GATAD2A: variants seen among roughly 807,000 people sequenced by gnomAD.
GATAD2A encodes GATA zinc finger domain containing 2A.
A neutral mutation model predicts 68.5 loss-of-function variants in GATAD2A; 12 were observed. The observed-to-expected ratio is 0.18, with a 90% CI of 0.11 to 0.28. The LOEUF (loss-of-function observed/expected upper bound fraction) is 0.28. GATAD2A is among the 10% of genes least tolerant of loss of function. GATAD2A has a pLI of 1.00. For synonymous variants in GATAD2A, 410 were observed against 375.3 expected, an observed-to-expected ratio of 1.09 and a Z score of -1.07; for missense variants, 755 against 868.5, an observed-to-expected ratio of 0.87 and a Z score of 1.64.
chr19:19,426,655 C>A (rs2053129594), intron 1 of GATAD2A, among the ~76,000 whole-genome samples: 1 of 152,136 alleles, frequency 6.6e-6, no homozygotes, highest in African/African-American at 2.4e-5. Flanking sequence ...AGACTACAGG[C>A]ACACACCCCT....
At chr19:19,503,458 G>T (rs543070493) in intron 11 of GATAD2A, among the ~76,000 whole-genome samples, 58 of 152,362 alleles carry the variant, frequency 3.8e-4, no homozygotes, top group African/African-American at 1.4e-3. Flanking sequence ...AATCCAGGCA[G>T]CCTGGACAGT....
intron 1 of GATAD2A, among the ~76,000 whole-genome samples, chr19:19,425,064 T>TA (rs529552728): frequency 0.1 from 9,697 of 96,006 alleles, 360 homozygotes; most frequent in East Asian, 0.19. Context: ...TGTGCAACAA[T>TA]AAAAAAAAAA....
In GATAD2A at chr19:19,501,299, C is replaced by G; in HGVS notation, c.1386C>G (p.Ala462=). The G allele has an allele frequency of 6.2e-7, 1 of 1,613,236 alleles. No individual in the cohort carries two copies. Among genetic ancestry groups the G allele is most frequent in the African/African-American group, 1.3e-5 (1 of 75,058 alleles). ...AGCACACCAGCCGGCTGAAGGCCGC[C>G]TTTGTGAAGGCGCTGCAGCAGGAAC... ...KVEHTSRLKA[A]FVKALQQEQE... is the part of the protein sequence containing the mutation. The change falls in exon 9 of 12, where the codon GCC becomes GCG. Residue 462 remains alanine, a synonymous_variant. Transcript: ENST00000683918.
chr19:19,501,019 CTG>C, intron 8 of GATAD2A, 97 bp from the exon 9 acceptor site: 2 of 1,056,290 alleles, frequency 1.9e-6, no homozygotes, highest in South Asian at 1.5e-5. Flanking sequence ...AACGGACAGA[CTG>C]TGGCGACTGA....
intron 7 of GATAD2A, among the ~76,000 whole-genome samples, chr19:19,497,763 T>TA (rs1360329469): frequency 1.3e-5 from 2 of 152,142 alleles, no homozygotes; most frequent in African/African-American, 4.8e-5. Context: ...CTAAAAGCAA[T>TA]AACATTGGCA....
chr19:19,502,176 C>A, intron 10 of GATAD2A, 133 bp downstream of exon 10: 1 of 875,028 alleles, frequency 1.1e-6, no homozygotes, highest in South Asian at 1.6e-5. Flanking sequence ...CTCCCCCACC[C>A]CTCTGTGTAA....
intron 2 of GATAD2A, among the ~76,000 whole-genome samples, chr19:19,476,966 G>A (rs146877425): frequency 0.016 from 2,477 of 152,254 alleles, 80 homozygotes; most frequent in South Asian, 0.085. Context: ...AAAGAACGTG[G>A]GTGTCTGACA....
At chr19:19,463,636 G>A (rs1397033448) in intron 1 of GATAD2A, among the ~76,000 whole-genome samples, 1 of 152,192 alleles carries the variant, frequency 6.6e-6, no homozygotes, top group African/African-American at 2.4e-5. Context: ...GAAAACCTGT[G>A]CCCTTGAGAT....
chr19:19,392,948 G>T (rs2048956214), intron 1 of GATAD2A, among the ~76,000 whole-genome samples: 1 of 152,106 alleles, frequency 6.6e-6, no homozygotes, highest in Non-Finnish European at 1.5e-5. Flanking sequence ...GCCTGCCTCG[G>T]ACTGCCAAAG....
intron 1 of GATAD2A, among the ~76,000 whole-genome samples, chr19:19,395,058 C>A (rs1169685613): frequency 6.6e-6 from 1 of 152,204 alleles, no homozygotes; most frequent in African/African-American, 2.4e-5. Flanking sequence ...CAGGCTCCCA[C>A]CTCTGGGCTC....
At chr19:19,457,283 C>T (rs530980849) in intron 1 of GATAD2A, 3 of 972,982 alleles carry the variant, frequency 3.1e-6, no homozygotes, top group East Asian at 2.3e-4. Flanking sequence ...AGGTTCTTCC[C>T]AGGGGCCTCC....
At chr19:19,462,276 G>C (rs1035354110) in intron 1 of GATAD2A, among the ~76,000 whole-genome samples, 2 of 152,212 alleles carry the variant, frequency 1.3e-5, no homozygotes, top group Admixed American at 1.3e-4. Context: ...ACTGGCACCT[G>C]CCCTCCCCAG....
intron 1 of GATAD2A, among the ~76,000 whole-genome samples, chr19:19,437,802 TTTTG>T (rs2054541473): frequency 1.3e-5 from 2 of 152,250 alleles, no homozygotes; most frequent in African/African-American, 4.8e-5. Flanking sequence ...ATGAACCACA[TTTTG>T]TTTATCCATT....
intron 1 of GATAD2A, among the ~76,000 whole-genome samples, chr19:19,395,975 A>G (rs2049210135): frequency 6.6e-6 from 1 of 152,156 alleles, no homozygotes; most frequent in African/African-American, 2.4e-5. Flanking sequence ...TTGTAAGCAT[A>G]CAGCAAGCGG....
intron 4 of GATAD2A, 147 bp downstream of exon 4, chr19:19,492,859 AGT>A (rs2059896373): frequency 2.9e-6 from 2 of 693,052 alleles, no homozygotes; most frequent in Admixed American, 2.8e-5. Flanking sequence ...TGTGGACTCC[AGT>A]GTGCATTTTG....
chr19:19,408,783 G>T (rs1383146465), intron 1 of GATAD2A, among the ~76,000 whole-genome samples: 1 of 152,148 alleles, frequency 6.6e-6, no homozygotes, highest in African/African-American at 2.4e-5. Flanking sequence ...TAAACATGGG[G>T]AAACTTACAG....
intron 1 of GATAD2A, among the ~76,000 whole-genome samples, chr19:19,422,798 G>A (rs2052581034): frequency 6.6e-6 from 1 of 150,706 alleles, no homozygotes; most frequent in Non-Finnish European, 1.5e-5. Flanking sequence ...TGCAAGCTCC[G>A]CCTCCCGGGT....
intron 1 of GATAD2A, among the ~76,000 whole-genome samples, chr19:19,444,326 T>C (rs1162679884): frequency 1.3e-5 from 2 of 152,158 alleles, no homozygotes; most frequent in Admixed American, 1.3e-4. Context: ...TGCTTAGAGT[T>C]GTGATCTAGG....
chr19:19,443,217 C>G (rs192698117), intron 1 of GATAD2A, among the ~76,000 whole-genome samples: 170 of 152,234 alleles, frequency 1.1e-3, no homozygotes, highest in Non-Finnish European at 2.2e-3. Context: ...CTGTAAGGTC[C>G]AGACAGTGAT....
Sources: gnomAD v4.1 joint callset for allele counts (sites outside exome capture counted in the v4.1 genomes callset) on GRCh38, gnomAD v4.1.1 for gene constraint, MANE v1.5 for transcripts, NCBI Gene and HGNC (gene_info 2026-07-23, HGNC 2026-07-21) for gene names.